SRGAP1: variants seen among roughly 807,000 people sequenced by gnomAD.
SRGAP1 encodes SLIT-ROBO Rho GTPase activating protein 1.
A neutral mutation model predicts 121.9 loss-of-function variants in SRGAP1; 43 were observed. That is an observed-to-expected ratio of 0.35 (90% CI 0.28 to 0.46). SRGAP1 has a LOEUF of 0.46. SRGAP1 is among the 20% of genes least tolerant of loss of function. The pLI is 1.00. For missense variants in SRGAP1, 1,102 were observed against 1,350.9 expected (o/e 0.82, Z 2.89); for synonymous variants, 447 against 485.4 (o/e 0.92, Z 1.04).
intron 1 of SRGAP1, among the ~76,000 whole-genome samples, chr12:63,940,089 G>A (rs1338511781): frequency 6.6e-6 from 1 of 151,904 alleles, no homozygotes; most frequent in East Asian, 1.9e-4. Flanking sequence ...AGCCTCCCAA[G>A]TAGCTGAGAT....
intron 1 of SRGAP1, among the ~76,000 whole-genome samples, chr12:63,948,313 G>A (rs2032117380): frequency 6.6e-6 from 1 of 151,962 alleles, no homozygotes; most frequent in African/African-American, 2.4e-5. Flanking sequence ...CTTCCTTCCT[G>A]TCATGATTTG....
intron 3 of SRGAP1, among the ~76,000 whole-genome samples, chr12:64,001,704 G>C (rs1187770243): frequency 6.6e-6 from 1 of 152,152 alleles, no homozygotes; most frequent in Non-Finnish European, 1.5e-5. Flanking sequence ...ACACAGCCAA[G>C]CCAGCTCACA....
chr12:63,952,562 C>G (rs561293588), intron 1 of SRGAP1, among the ~76,000 whole-genome samples: 1 of 152,190 alleles, frequency 6.6e-6, no homozygotes, highest in South Asian at 2.1e-4. Context: ...AAAATCCACA[C>G]CAATGAGCCT....
chr12:64,131,232 A>G (rs919974798), intron 21 of SRGAP1, among the ~76,000 whole-genome samples: 30 of 152,222 alleles, frequency 2.0e-4, no homozygotes, highest in African/African-American at 7.2e-4. Context: ...GAGTACTCAC[A>G]TGGTATACAA....
intron 1 of SRGAP1, among the ~76,000 whole-genome samples, chr12:63,979,386 G>T (rs569449053): frequency 1.3e-5 from 2 of 151,872 alleles, no homozygotes; most frequent in East Asian, 3.9e-4. Flanking sequence ...AGTTGTAAGA[G>T]TTCTTTGTGT....
intron 8 of SRGAP1, among the ~76,000 whole-genome samples, chr12:64,078,084 A>G (rs1164761550): frequency 1.3e-5 from 2 of 152,158 alleles, no homozygotes; most frequent in African/African-American, 4.8e-5. Flanking sequence ...TTAAATTTAA[A>G]AGAAAGACTG....
chr12:63,921,111 C>T (rs926791202), intron 1 of SRGAP1, among the ~76,000 whole-genome samples: 1 of 152,130 alleles, frequency 6.6e-6, no homozygotes, highest in Non-Finnish European at 1.5e-5. Flanking sequence ...TTAATATCTC[C>T]CCCTAGCTTG....
At chr12:63,855,473 G>GTTTTTTGTTTT (rs1899208078) in intron 1 of SRGAP1, among the ~76,000 whole-genome samples, 8 of 52,940 alleles carry the variant, frequency 1.5e-4, no homozygotes, top group African/African-American at 5.7e-4. Context: ...GAAAAATGGT[G>GTTTTTTGTTTT]TTTTTTTTTT....
In SRGAP1 at chr12:64,142,783, C is replaced by G. The variant is rs139089510; in HGVS notation, c.*111C>G. The G allele has an allele frequency of 2.3e-4, 331 of 1,423,314 alleles. 2 individuals are homozygous for G. The African/African-American group carries it at 4.5e-3, about 19-fold the overall frequency. 88.2% of individuals were successfully genotyped at this position (1,423,314 alleles called of 1,614,324 possible). On this transcript the variant is annotated 3_prime_UTR_variant, in exon 22 of 22. Transcript: ENST00000355086. ...TAGTTTTGTGCTTATAACTGGAGAT[C>G]TTTTGGCTTTTCTATGTTGTCGAAT...
chr12:64,003,478 GAA>G (rs531819299), intron 3 of SRGAP1, among the ~76,000 whole-genome samples: 937 of 42,800 alleles, frequency 0.022, 2 homozygotes, highest in African/African-American at 0.052. Flanking sequence ...GGAAGTTTCA[GAA>G]AAAAAAAAAA....
intron 4 of SRGAP1, among the ~76,000 whole-genome samples, chr12:64,018,256 T>A (rs2034459898): frequency 6.6e-6 from 1 of 151,996 alleles, no homozygotes; most frequent in South Asian, 2.1e-4. Context: ...GCCTGGCAAA[T>A]TTTTTTGTAT....
At chr12:64,076,922 T>C (rs60132434) in intron 8 of SRGAP1, among the ~76,000 whole-genome samples, 24,281 of 152,038 alleles carry the variant, frequency 0.16, 2,537 homozygotes, top group South Asian at 0.32. Flanking sequence ...GGATTACAGG[T>C]GTGAGTCACC....
chr12:63,939,403 G>A (rs556604096), intron 1 of SRGAP1, among the ~76,000 whole-genome samples: 1 of 152,128 alleles, frequency 6.6e-6, no homozygotes, highest in Admixed American at 6.5e-5. Flanking sequence ...TAAGATATTT[G>A]CAATATACTG....
rs887537264 is a variant in SRGAP1 at position 64,144,590 on chromosome 12, A to T, written c.*1918A>T. The T allele has an allele frequency of 6.6e-6, 1 of 151,972 alleles. No homozygotes were observed. The highest frequency in any genetic ancestry group is 6.6e-5 in the Admixed American group (1 of 15,252). The allele number at this position is 151,972 out of a possible 1,614,324, so 9.4% of individuals were successfully genotyped here. A position where few individuals can be genotyped will look rare whatever the true frequency, so the allele number is the denominator to read the frequency against. On this transcript the variant is annotated 3_prime_UTR_variant, in exon 22 of 22. Transcript: ENST00000355086. ...ATGAATAGTGACTTTTTTCCCATGTATTTCTAGGTATGGTAAACTTTTAAA... is the reference window on the plus strand; with the variant it reads ...ATGAATAGTGACTTTTTTCCCATGTTTTTCTAGGTATGGTAAACTTTTAAA...
At chr12:63,922,206 T>G (rs974460563) in intron 1 of SRGAP1, among the ~76,000 whole-genome samples, 1 of 152,138 alleles carries the variant, frequency 6.6e-6, no homozygotes, top group Non-Finnish European at 1.5e-5. Context: ...CTTGTAATCC[T>G]GACCTCAAGT....
At position 64,150,946 on chromosome 12, in the gene SRGAP1, A is replaced by AAAAAAAAAAAAAAC. The variant is rs2037113906; in HGVS notation, c.*8287_*8288insCAAAAAAAAAAAAA. On this transcript the variant is annotated 3_prime_UTR_variant, in exon 22 of 22. Transcript: ENST00000355086. ...TGAGAAGCTATCTCAAAAAAAAAAA[A>AAAAAAAAAAAAAAC]AAAAAAAAAAAAAACATGGTCAAGA... 1.4e-5 allele frequency: 2 copies of AAAAAAAAAAAAAAC among 147,804 alleles called. No homozygotes were observed. Among genetic ancestry groups the AAAAAAAAAAAAAAC allele is most frequent in the Admixed American group, 6.8e-5 (1 of 14,804 alleles). The allele number at this position is 147,804 out of a possible 1,614,324, so 9.2% of individuals were successfully genotyped here.
At chr12:63,992,583 C>CTAGCA (rs1199165874) in intron 3 of SRGAP1, among the ~76,000 whole-genome samples, 1 of 151,428 alleles carries the variant, frequency 6.6e-6, no homozygotes, top group African/African-American at 2.4e-5. Context: ...GTTTCAACAG[C>CTAGCA]TAGCAGCCGG....
chr12:63,899,147 A>G (rs1900847124), intron 1 of SRGAP1, among the ~76,000 whole-genome samples: 1 of 152,102 alleles, frequency 6.6e-6, no homozygotes, highest in Non-Finnish European at 1.5e-5. Flanking sequence ...TTTGGGAGGC[A>G]GAGGTGGGTG....
At chr12:64,054,143 G>C (rs192700806) in intron 6 of SRGAP1, among the ~76,000 whole-genome samples, 1 of 152,298 alleles carries the variant, frequency 6.6e-6, no homozygotes, top group African/African-American at 2.4e-5. Context: ...TTGCAGTACA[G>C]TTTCATGGTC....
Sources: gnomAD v4.1 joint callset for allele counts (sites outside exome capture counted in the v4.1 genomes callset) on GRCh38, gnomAD v4.1.1 for gene constraint, MANE v1.5 for transcripts, NCBI Gene and HGNC (gene_info 2026-07-23, HGNC 2026-07-21) for gene names.